MTHFD2: variants seen among roughly 807,000 people sequenced by gnomAD.
MTHFD2 encodes the protein methylenetetrahydrofolate dehydrogenase (NADP+ dependent) 2, methenyltetrahydrofolate cyclohydrolase.
A neutral mutation model predicts 36.8 loss-of-function variants in MTHFD2; 26 were observed. The observed-to-expected ratio is 0.71, with a 90% CI of 0.52 to 0.98. MTHFD2 has a LOEUF of 0.98. Ranked by LOEUF, MTHFD2 falls within the 50% of genes least tolerant of loss-of-function variation. MTHFD2 has a pLI of 0.00. For synonymous variants in MTHFD2, 164 were observed against 155.2 expected (o/e 1.06, Z -0.42); for missense variants, 373 against 434.0 (o/e 0.86, Z 1.25).
chr2:74,201,599 A>C (rs879732147), intron 1 of MTHFD2, among the ~76,000 whole-genome samples: 8 of 152,058 alleles, frequency 5.3e-5, no homozygotes, highest in African/African-American at 7.2e-5. Flanking sequence ...TTGGCCTCCC[A>C]AAATGCTGGG....
chr2:74,202,417 T>C (rs1358814779), intron 1 of MTHFD2, among the ~76,000 whole-genome samples: 1 of 152,194 alleles, frequency 6.6e-6, no homozygotes, highest in African/African-American at 2.4e-5. Flanking sequence ...GGATTAGGAA[T>C]GTATTTTTGG....
In MTHFD2 at chr2:74,211,788, G is replaced by A; in HGVS notation, c.811G>A (p.Val271Ile). 1.2e-6 allele frequency: 2 copies of A among 1,611,988 alleles called. No individual in the cohort carries two copies. The highest frequency in any genetic ancestry group is 1.7e-6 in the Non-Finnish European group (2 of 1,179,618). ...TADMIKEGAA[V>I]IDVGINRVHD... Reference sequence around the variant, plus strand: ...AGATATGATCAAGGAAGGAGCAGCAGTCATTGATGTGGGAATAAATAGAGT... The same window carrying A: ...AGATATGATCAAGGAAGGAGCAGCAATCATTGATGTGGGAATAAATAGAGT... Residue 271 changes from valine to isoleucine, a missense_variant, in exon 7 of 8, where the codon GTC becomes ATC. Val to Ile is a conservative substitution (Grantham distance 29). Coordinates refer to ENST00000394053, the MANE Select transcript of MTHFD2 (RefSeq NM_006636.4).
In MTHFD2 at chr2:74,203,909, A is replaced by T. The variant is rs367656199; in HGVS notation, c.102-1796A>T. On this transcript the variant is annotated intron_variant, in intron 1 of 7. Transcript: ENST00000394053. ...TAGTTTAGTTTAGTTTAGTTTAGTT[A>T]GTTTAGTTTAGTTTAGTTTTTTGAG... Among the ~76,000 whole-genome samples, 11 of 81,460 alleles carry T rather than the reference A, an allele frequency of 1.4e-4. No individual in the cohort carries two copies. The South Asian group carries it at 1.7e-3, about 12-fold the overall frequency. 53.4% of individuals were successfully genotyped at this position (81,460 alleles called of 152,430 possible).
chr2:74,210,085 T>C (rs781127622), intron 5 of MTHFD2, 36 bp downstream of exon 5: 2 of 1,557,654 alleles, frequency 1.3e-6, no homozygotes, highest in South Asian at 1.1e-5. Flanking sequence ...CTGTCCTTTT[T>C]TCCCCATGTA....
chr2:74,204,165 C>T (rs1398845520), intron 1 of MTHFD2, among the ~76,000 whole-genome samples: 5 of 152,074 alleles, frequency 3.3e-5, no homozygotes, highest in Admixed American at 6.6e-5. Context: ...CCACCCTCCT[C>T]GGCCTCCTAA....
intron 3 of MTHFD2, 71 bp downstream of exon 3, chr2:74,207,897 T>C (rs1014850356): frequency 6.4e-6 from 9 of 1,406,994 alleles, no homozygotes; most frequent in Admixed American, 5.8e-5. Flanking sequence ...CCTCTCTCTC[T>C]CCCTCCCCAT....
At chr2:74,202,489 T>C (rs1043117987) in intron 1 of MTHFD2, among the ~76,000 whole-genome samples, 1 of 152,080 alleles carries the variant, frequency 6.6e-6, no homozygotes, top group African/African-American at 2.4e-5. Context: ...CCAGGTGTAT[T>C]TGTATCAGCA....
At position 74,211,937 on chromosome 2, in the gene MTHFD2, T is replaced by A. The variant is rs1057437902; in HGVS notation, c.889+71T>A. 873 of 1,193,114 alleles carry A rather than the reference T, an allele frequency of 7.3e-4. 1 individual carries two copies. Among genetic ancestry groups the A allele is most frequent in the Non-Finnish European group, 8.9e-4 (808 of 907,158 alleles). 73.9% of individuals were successfully genotyped at this position (1,193,114 alleles called of 1,614,324 possible). A position where few individuals can be genotyped will look rare whatever the true frequency, so the allele number is the denominator to read the frequency against. ...ACCTTTCATGGACATTTAGGATAGA[T>A]TATTTACTTTTTTTTTTTTTTTTTT... On this transcript the variant is annotated intron_variant, in intron 7 of 7. Coordinates refer to ENST00000394053, the MANE Select transcript of MTHFD2 (RefSeq NM_006636.4).
chr2:74,206,598 T>C (rs1401319171), intron 2 of MTHFD2: 1 of 152,346 alleles, frequency 6.6e-6, no homozygotes, highest in African/African-American at 2.4e-5. Context: ...TGGGTGGGGT[T>C]ACTGGCCTGT....
intron 2 of MTHFD2, 89 bp from the exon 3 acceptor site, chr2:74,207,615 C>A: frequency 7.8e-7 from 1 of 1,286,888 alleles, no homozygotes. Context: ...TGATACAAAA[C>A]CCGTATGGTA....
Position 74,211,848 on chromosome 2 carries a change from G to A in MTHFD2, c.871G>A (p.Gly291Arg). Residue 291 changes from glycine (G) to arginine (R), a missense_variant, in exon 7 of 8, where the codon GGA becomes AGA. Transcript: ENST00000394053. The stretch of plus-strand genomic sequence containing the variant: ...TGTAACTGCCAAACCCAAGTTGGTT[G>A]GAGATGTGGATTTTGAAGGTAAATG... The part of the protein sequence containing the change: ...DPVTAKPKLV[G>R]DVDFEGVRQK... 3.7e-6 allele frequency: 6 copies of A among 1,608,904 alleles called. No individual in the cohort carries two copies. The highest frequency in any genetic ancestry group is 5.1e-6 in the Non-Finnish European group (6 of 1,178,720).
At chr2:74,213,891 G>C (rs1018963031) in intron 7 of MTHFD2, among the ~76,000 whole-genome samples, 188 bp from the exon 8 acceptor site, 1 of 151,980 alleles carries the variant, frequency 6.6e-6, no homozygotes, top group African/African-American at 2.4e-5. Flanking sequence ...AATATTCCTT[G>C]AACAACTCTG....
intron 3 of MTHFD2, among the ~76,000 whole-genome samples, 198 bp from the exon 4 acceptor site, chr2:74,208,371 G>C (rs1013627545): frequency 8.5e-5 from 13 of 152,234 alleles, no homozygotes; most frequent in African/African-American, 2.7e-4. Flanking sequence ...ACAGTGGAGG[G>C]AAGCAGCTGT....
At chr2:74,212,246 T>G (rs1383006765) in intron 7 of MTHFD2, among the ~76,000 whole-genome samples, 1 of 114,398 alleles carries the variant, frequency 8.7e-6, no homozygotes, top group African/African-American at 3.3e-5. Context: ...CACCCCTTTC[T>G]TCCTTCGTTT....
At position 74,210,785 on chromosome 2, in the gene MTHFD2, G is replaced by GTTTTTTT. The variant is rs71406865; in HGVS notation, c.671-403_671-397dup. Among the ~76,000 whole-genome samples, 6 of 132,064 alleles carry GTTTTTTT rather than the reference G, an allele frequency of 4.5e-5. 1 individual carries two copies. Among genetic ancestry groups the GTTTTTTT allele is most frequent in the African/African-American group, 8.8e-5 (3 of 34,254 alleles). The allele number at this position is 132,064 out of a possible 152,430, so 86.6% of individuals were successfully genotyped here. On this transcript the variant is annotated intron_variant, in intron 5 of 7. Transcript: ENST00000394053. ...AAACATGGCACAAGCCATTAAGTCAGTTTTTTTTTTTTTTTTTCCTGGAGA... is the reference window on the plus strand; with the variant it reads ...AAACATGGCACAAGCCATTAAGTCAGTTTTTTTTTTTTTTTTTTTTTTTTCCTGGAGA...
intron 2 of MTHFD2, chr2:74,206,092 G>T: frequency 1.5e-5 from 7 of 458,098 alleles, no homozygotes; most frequent in South Asian, 4.1e-5. Context: ...GATACTGGTT[G>T]GTATTCTCTG....
intron 3 of MTHFD2, 86 bp from the exon 4 acceptor site, chr2:74,208,483 T>A (rs1402418215): frequency 6.9e-7 from 1 of 1,453,740 alleles, no homozygotes; most frequent in African/African-American, 1.4e-5. Context: ...GAAGAATAGA[T>A]TTCCTTGCGA....
chr2:74,207,644 C>T, intron 2 of MTHFD2, 60 bp from the exon 3 acceptor site: 1 of 1,504,884 alleles, frequency 6.6e-7, no homozygotes, highest in Non-Finnish European at 9.1e-7. Context: ...TGGTAGGCAA[C>T]ATAGCAGTGC....
chr2:74,214,199 G>T lies in MTHFD2; in HGVS notation c.1010G>T (p.Arg337Leu). 1.2e-6 allele frequency: 2 copies of T among 1,614,068 alleles called. No homozygotes were observed. Among genetic ancestry groups the T allele is most frequent in the Non-Finnish European group, 1.7e-6 (2 of 1,179,952 alleles). ...AAKKVLRLEE[R>L]EVLKSKELGV... ...AAAAAGGTGCTGAGGCTTGAAGAGC[G>T]AGAAGTGCTGAAGTCTAAAGAGCTT... Residue 337 changes from arginine to leucine, a missense_variant, in exon 8 of 8, where the codon CGA becomes CTA. Physicochemically the swap from Arg to Leu is moderately radical, Grantham distance 102. Transcript: ENST00000394053.
Sources: allele counts gnomAD v4.1 joint callset (sites outside exome capture counted in the v4.1 genomes callset), GRCh38; gene constraint gnomAD v4.1.1; transcripts MANE v1.5; gene names NCBI Gene and HGNC (gene_info 2026-07-23, HGNC 2026-07-21).